Variants in LRP1B observed in about 807,000 individuals in gnomAD.
LRP1B encodes the protein low-density lipoprotein receptor-related protein 1B.
In LRP1B, 217 loss-of-function variants were observed where a neutral mutation model predicts 556.6. The observed-to-expected ratio is 0.39, with a 90% CI of 0.35 to 0.44. The LOEUF is 0.44. Ranked by LOEUF, LRP1B falls within the 20% of genes least tolerant of loss-of-function variation. LRP1B has a pLI of 1.00. For synonymous variants in LRP1B, 2,047 were observed against 1,865.8 expected (o/e 1.10, Z -2.50); for missense variants, 5,053 against 5,620.8 (o/e 0.90, Z 3.23).
intron 10 of LRP1B, among the ~76,000 whole-genome samples, chr2:141,050,051 TA>T (rs1428985942): frequency 1.3e-5 from 2 of 151,942 alleles, no homozygotes; most frequent in Non-Finnish European, 2.9e-5. Flanking sequence ...TGTATAATTT[TA>T]AAGGAAATAG....
At chr2:140,299,066 T>C (rs1429515484) in intron 83 of LRP1B, among the ~76,000 whole-genome samples, 1 of 152,114 alleles carries the variant, frequency 6.6e-6, no homozygotes, top group Non-Finnish European at 1.5e-5. Flanking sequence ...CTAGAGAATA[T>C]TCATGCCATT....
intron 29 of LRP1B, among the ~76,000 whole-genome samples, chr2:140,842,725 T>C (rs1410529114): frequency 1.3e-5 from 2 of 152,128 alleles, no homozygotes; most frequent in Admixed American, 6.6e-5. Flanking sequence ...TTTCATTCTC[T>C]GGAGTTAATT....
At chr2:140,333,412 C>T (rs1438640630) in intron 79 of LRP1B, among the ~76,000 whole-genome samples, 1 of 151,988 alleles carries the variant, frequency 6.6e-6, no homozygotes, top group Non-Finnish European at 1.5e-5. Flanking sequence ...GTTTCTTCAG[C>T]ATTTGGAACA....
rs554068786 is a variant in LRP1B at position 140,232,421 on chromosome 2, A to C, written c.*765T>G. ...TTTATCTCGAGACTGAGGGAGAATAAAAGGTCTTATTCCATAGCAAGTGCA... is the reference window on the plus strand; with the variant it reads ...TTTATCTCGAGACTGAGGGAGAATACAAGGTCTTATTCCATAGCAAGTGCA... On this transcript the variant is annotated 3_prime_UTR_variant, in exon 91 of 91. Coordinates refer to ENST00000389484, the MANE Select transcript of LRP1B (RefSeq NM_018557.3). 2 of 151,708 alleles carry C rather than the reference A, an allele frequency of 1.3e-5. No homozygotes were observed. Among genetic ancestry groups the C allele is most frequent in the Admixed American group, 1.3e-4 (2 of 15,098 alleles). The allele number at this position is 151,708 out of a possible 1,614,324, so 9.4% of individuals were successfully genotyped here.
chr2:140,415,978 C>T (rs1274102054), intron 66 of LRP1B, among the ~76,000 whole-genome samples: 1 of 152,174 alleles, frequency 6.6e-6, no homozygotes, highest in East Asian at 1.9e-4. Context: ...TGCATCAAGG[C>T]TGAATTGGTC....
intron 6 of LRP1B, among the ~76,000 whole-genome samples, chr2:141,227,358 G>T (rs992217509): frequency 6.6e-6 from 1 of 152,136 alleles, no homozygotes; most frequent in Non-Finnish European, 1.5e-5. Context: ...ATTAGTTGAG[G>T]TAATCACTAA....
Position 142,058,625 on chromosome 2 carries a change from A to G in LRP1B, c.82+72023T>C, listed in dbSNP as rs560074085. 2.6e-5 allele frequency among the ~76,000 whole-genome samples: 4 copies of G among 152,160 alleles called. No individual in the cohort carries two copies. The East Asian group carries it at 7.8e-4, about 30-fold the overall frequency. ...TGTGGCCCAAGACAATTTTTCTCCC[A>G]ATATGACCCAGGGAAGCCAAATGAT... On this transcript the variant is annotated intron_variant, in intron 1 of 90. Coordinates refer to ENST00000389484, the MANE Select transcript of LRP1B (RefSeq NM_018557.3).
chr2:140,643,296 C>A lies in LRP1B; in HGVS notation c.6800-41657G>T, dbSNP rs534358089. Among the ~76,000 whole-genome samples, 194 of 151,976 alleles carry A rather than the reference C, an allele frequency of 1.3e-3. 1 individual carries two copies. The highest frequency in any genetic ancestry group is 2.3e-3 in the Non-Finnish European group (156 of 67,968). On this transcript the variant is annotated intron_variant, in intron 41 of 90. Transcript: ENST00000389484. ...TCAATAGCTGTTACTATTCAGAAGA[C>A]AACCATATCACAAAATTTGCTTTCT...
intron 11 of LRP1B, among the ~76,000 whole-genome samples, chr2:141,043,037 C>CAAAAAAAAA (rs57176510): frequency 8.2e-6 from 1 of 122,072 alleles, no homozygotes; most frequent in Non-Finnish European, 1.7e-5. Flanking sequence ...ACAAAAAATA[C>CAAAAAAAAA]AAAAAAAAAA....
At position 141,773,763 on chromosome 2, in the gene LRP1B, T is replaced by C. The variant is rs1352728944; in HGVS notation, c.205+36516A>G. Among the ~76,000 whole-genome samples the C allele has an allele frequency of 2.0e-5, 3 of 152,134 alleles. No homozygotes were observed. The East Asian group carries it at 5.8e-4, about 29-fold the overall frequency. ...ACAAAACAAAACAAAACAACCTACA[T>C]CTATAGAGGAAAAGGTTTTTGCCAA... On this transcript the variant is annotated intron_variant, in intron 2 of 90. Coordinates refer to ENST00000389484, the MANE Select transcript of LRP1B (RefSeq NM_018557.3).
intron 86 of LRP1B, among the ~76,000 whole-genome samples, chr2:140,261,464 G>C (rs1017881381): frequency 2.0e-5 from 3 of 151,808 alleles, no homozygotes; most frequent in African/African-American, 7.3e-5. Flanking sequence ...TTAATGATAT[G>C]AGGACCAAGG....
At chr2:142,028,821 A>T (rs1383053020) in intron 1 of LRP1B, among the ~76,000 whole-genome samples, 1 of 151,840 alleles carries the variant, frequency 6.6e-6, no homozygotes, top group Non-Finnish European at 1.5e-5. Flanking sequence ...TCTCACAAAC[A>T]CTTGATGTCA....
intron 31 of LRP1B, among the ~76,000 whole-genome samples, chr2:140,829,793 T>C (rs1168683992): frequency 2.0e-5 from 3 of 151,090 alleles, no homozygotes; most frequent in East Asian, 1.9e-4. Context: ...ATAAATACAA[T>C]TGAGAATAAA....
At position 141,748,132 on chromosome 2, in the gene LRP1B, T is replaced by C. The variant is rs370989373; in HGVS notation, c.205+62147A>G. Among the ~76,000 whole-genome samples the C allele has an allele frequency of 1.6e-3, 248 of 152,332 alleles. 7 individuals carry two copies. The South Asian group carries it at 0.032, about 19-fold the overall frequency. On this transcript the variant is annotated intron_variant, in intron 2 of 90. Transcript: ENST00000389484. ...TTATAATCTTAATGTCCATATGCCC[T>C]ACATTTTATAGGCTGAGATAACTAG...
At chr2:141,237,422 T>A (rs1361201044) in intron 5 of LRP1B, among the ~76,000 whole-genome samples, 1 of 150,732 alleles carries the variant, frequency 6.6e-6, no homozygotes, top group Non-Finnish European at 1.5e-5. Flanking sequence ...CCCAGGCTGG[T>A]CTCAAACTCC....
At chr2:140,503,756 G>A (rs1308614194) in intron 53 of LRP1B, among the ~76,000 whole-genome samples, 1 of 151,878 alleles carries the variant, frequency 6.6e-6, no homozygotes, top group African/African-American at 2.4e-5. Context: ...TGTTTTATAA[G>A]AATTTTTTCT....
At chr2:140,982,811 G>A (rs991946071) in intron 17 of LRP1B, among the ~76,000 whole-genome samples, 3 of 151,290 alleles carry the variant, frequency 2.0e-5, no homozygotes, top group African/African-American at 7.3e-5. Context: ...GCTGTATGCA[G>A]TGAGAGTGCA....
intron 2 of LRP1B, among the ~76,000 whole-genome samples, chr2:141,532,748 G>A (rs1005693323): frequency 6.6e-6 from 1 of 152,100 alleles, no homozygotes; most frequent in Non-Finnish European, 1.5e-5. Context: ...CACTTTGGGA[G>A]GTCAAGGCAG....
At chr2:141,827,892 G>C (rs996068798) in intron 1 of LRP1B, among the ~76,000 whole-genome samples, 1 of 151,214 alleles carries the variant, frequency 6.6e-6, no homozygotes, top group African/African-American at 2.4e-5. Context: ...ATAATATTTA[G>C]ACATATATTT....
Sources: gnomAD v4.1 joint callset for allele counts (sites outside exome capture counted in the v4.1 genomes callset) on GRCh38, gnomAD v4.1.1 for gene constraint, MANE v1.5 for transcripts, NCBI Gene and HGNC (gene_info 2026-07-23, HGNC 2026-07-21) for gene names.